The following PDE4D variants were observed in gnomAD, a reference collection of about 807,000 sequenced individuals.
PDE4D encodes the protein phosphodiesterase 4D, also known as 3',5'-cyclic-AMP phosphodiesterase 4D.
PDE4D carries 24 observed loss-of-function variants against 87.4 expected under a neutral mutation model. The observed-to-expected ratio is 0.27, with a 90% confidence interval of 0.20 to 0.39. The LOEUF (loss-of-function observed/expected upper bound fraction) is 0.39, where lower values mean the gene tolerates loss of function less well. Among genes scored for constraint, PDE4D ranks in the 10% least tolerant of loss-of-function variants. PDE4D has a pLI of 1.00. For missense variants in PDE4D, 714 were observed against 1,041.0 expected (o/e 0.69, Z 4.32); for synonymous variants, 384 against 383.2 (o/e 1.00, Z -0.02).
chr5:60,198,490 C>A (rs183877083), intron 1 of PDE4D, among the ~76,000 whole-genome samples: 1 of 151,536 alleles, frequency 6.6e-6, no homozygotes, highest in Non-Finnish European at 1.5e-5. Flanking sequence ...AACTACTTAA[C>A]CCTTTTGCAT....
At chr5:60,395,577 G>C (rs1208347391) in intron 1 of PDE4D, among the ~76,000 whole-genome samples, 7 of 152,040 alleles carry the variant, frequency 4.6e-5, no homozygotes, top group Non-Finnish European at 8.8e-5. Flanking sequence ...TCAATTTAAA[G>C]AGGAAGAACT....
intron 1 of PDE4D, among the ~76,000 whole-genome samples, chr5:59,848,282 A>G (rs1037865203): frequency 6.6e-5 from 10 of 152,034 alleles, no homozygotes; most frequent in African/African-American, 2.4e-4. Context: ...ATTTCAAGTG[A>G]ATTTAGTGCT....
At chr5:60,015,288 T>G (rs1765399563) in intron 2 of PDE4D, among the ~76,000 whole-genome samples, 4 of 152,228 alleles carry the variant, frequency 2.6e-5, no homozygotes, top group Admixed American at 2.6e-4. Flanking sequence ...GGGAAGATTG[T>G]GATAGCTAGT....
intron 1 of PDE4D, among the ~76,000 whole-genome samples, chr5:60,283,364 C>T (rs188687996): frequency 1.3e-5 from 2 of 152,188 alleles, no homozygotes; most frequent in Admixed American, 1.3e-4. Context: ...CTTTGAGACT[C>T]AAAGTATACT....
At chr5:60,313,871 G>A (rs944704063) in intron 1 of PDE4D, among the ~76,000 whole-genome samples, 1 of 152,132 alleles carries the variant, frequency 6.6e-6, no homozygotes, top group African/African-American at 2.4e-5. Context: ...TGAGGAAAAA[G>A]CTTTCAATAA....
intron 1 of PDE4D, among the ~76,000 whole-genome samples, chr5:59,770,219 A>ATG (rs1317658546): frequency 2.0e-5 from 3 of 152,120 alleles, no homozygotes; most frequent in Admixed American, 2.0e-4. Flanking sequence ...ATGTGTGTGC[A>ATG]TGTGTGTGTG....
chr5:60,315,706 G>A (rs1238031608), intron 1 of PDE4D, among the ~76,000 whole-genome samples: 1 of 152,088 alleles, frequency 6.6e-6, no homozygotes, highest in Non-Finnish European at 1.5e-5. Context: ...TCTACATATG[G>A]CTAGCCAGTT....
rs375808039 is a variant in PDE4D, at chr5:59,215,413, A to G, written c.647+364T>C. 456 of 251,446 alleles carry G rather than the reference A, an allele frequency of 1.8e-3. 2 individuals are homozygous for G. Among genetic ancestry groups the G allele is most frequent in the African/African-American group, 9.9e-3 (425 of 43,072 alleles). 15.6% of individuals were successfully genotyped at this position (251,446 alleles called of 1,614,324 possible). On this transcript the variant is annotated intron_variant, in intron 2 of 14. Coordinates refer to ENST00000340635, the MANE Select transcript of PDE4D (RefSeq NM_001104631.2). The stretch of plus-strand genomic sequence containing the variant: ...AATGGAGTTGAAAGCTTTTCAAAAT[A>G]TTAGAAAATATCCATGTAGTTAGGT...
rs143777760 is a variant in PDE4D, at chr5:59,911,341, T to C, written c.272+77147A>G. Among the ~76,000 whole-genome samples, 353 of 152,270 alleles carry C rather than the reference T, an allele frequency of 2.3e-3. 1 individual carries two copies. Among genetic ancestry groups the C allele is most frequent in the African/African-American group, 8.0e-3 (334 of 41,550 alleles). On this transcript the variant is annotated intron_variant, in intron 3 of 16. Coordinates refer to the PDE4D transcript ENST00000502484. Reference sequence around the variant, plus strand: ...GAAGGATCAGCTGGCACCACCCAGATTGATAAACTGGCTCATCTGGTCTTG... The same window carrying C: ...GAAGGATCAGCTGGCACCACCCAGACTGATAAACTGGCTCATCTGGTCTTG...
At chr5:60,069,807 T>G (rs1321367091) in intron 2 of PDE4D, among the ~76,000 whole-genome samples, 1 of 152,166 alleles carries the variant, frequency 6.6e-6, no homozygotes, top group Non-Finnish European at 1.5e-5. Flanking sequence ...AGTCTTCTAG[T>G]TCATGAACAT....
chr5:60,225,736 A>G (rs910702740), intron 1 of PDE4D, among the ~76,000 whole-genome samples: 3 of 152,118 alleles, frequency 2.0e-5, no homozygotes, highest in Non-Finnish European at 4.4e-5. Flanking sequence ...TGGGTACCTA[A>G]CACTCTACTA....
chr5:59,210,032 A>G (rs141871713), intron 2 of PDE4D, among the ~76,000 whole-genome samples: 57 of 152,252 alleles, frequency 3.7e-4, no homozygotes, highest in African/African-American at 1.3e-3. Flanking sequence ...GGGTGAGGAT[A>G]CCTCCCCAGC....
At chr5:60,215,100 G>A (rs968792644) in intron 1 of PDE4D, among the ~76,000 whole-genome samples, 2 of 152,138 alleles carry the variant, frequency 1.3e-5, no homozygotes, top group African/African-American at 4.8e-5. Context: ...GATAGAAAGA[G>A]AGCAGTATGA....
intron 2 of PDE4D, among the ~76,000 whole-genome samples, chr5:60,075,368 T>C (rs1015613012): frequency 3.3e-5 from 5 of 152,238 alleles, no homozygotes; most frequent in Admixed American, 2.6e-4. Context: ...GAGTTTCCGC[T>C]GAGAGGTCTG....
intron 2 of PDE4D, among the ~76,000 whole-genome samples, chr5:60,132,996 A>G (rs1380795048): frequency 6.6e-6 from 1 of 152,228 alleles, no homozygotes; most frequent in Non-Finnish European, 1.5e-5. Flanking sequence ...ACCATAGTGT[A>G]GTCCATTGCC....
chr5:60,294,386 A>T (rs996478037), intron 1 of PDE4D, among the ~76,000 whole-genome samples: 1 of 151,984 alleles, frequency 6.6e-6, no homozygotes, highest in African/African-American at 2.4e-5. Flanking sequence ...TGGCTCTCTT[A>T]CTCATTTACG....
chr5:60,127,806 G>C, intron 2 of PDE4D: 1 of 450,398 alleles, frequency 2.2e-6, no homozygotes. Flanking sequence ...GACAAATATG[G>C]GCTGAATATA....
chr5:59,393,362 G>C (rs542578774), intron 1 of PDE4D, among the ~76,000 whole-genome samples: 1 of 152,110 alleles, frequency 6.6e-6, no homozygotes, highest in Non-Finnish European at 1.5e-5. Flanking sequence ...TAGAACAAGG[G>C]GCAAAAATAG....
At chr5:59,535,075 GT>G (rs144054668) in intron 1 of PDE4D, among the ~76,000 whole-genome samples, 38,629 of 116,660 alleles carry the variant, frequency 0.33, 6,184 homozygotes, top group East Asian at 0.7. Flanking sequence ...GTGTGTGTGT[GT>G]GGGGGGGGGG....
Sources: gnomAD v4.1 joint callset for allele counts (sites outside exome capture counted in the v4.1 genomes callset) on GRCh38, gnomAD v4.1.1 for gene constraint, MANE v1.5 for transcripts, NCBI Gene and HGNC (gene_info 2026-07-23, HGNC 2026-07-21) for gene names.